Variants in DPP10 observed in about 807,000 individuals in gnomAD.
DPP10 encodes the protein dipeptidyl peptidase like 10.
In DPP10, 33 loss-of-function variants were observed where a neutral mutation model predicts 120.9. The observed-to-expected ratio is 0.27, with a 90% CI of 0.21 to 0.37. The LOEUF (loss-of-function observed/expected upper bound fraction) is 0.37, where lower values mean the gene tolerates loss of function less well. DPP10 is among the 10% of genes least tolerant of loss of function. The pLI, the probability that DPP10 is intolerant of heterozygous loss-of-function variation, is 1.00. For missense variants in DPP10, 816 were observed against 942.8 expected (o/e 0.87, Z 1.76); for synonymous variants, 337 against 326.1 (o/e 1.03, Z -0.36).
intron 1 of DPP10, among the ~76,000 whole-genome samples, chr2:114,697,196 T>C (rs1345296654): frequency 2.0e-5 from 3 of 152,168 alleles, no homozygotes; most frequent in Admixed American, 1.3e-4. Flanking sequence ...GCAGAAAAGT[T>C]ACCAGATATA....
At chr2:115,580,276 A>G (rs2081937683) in intron 5 of DPP10, 1 of 152,212 alleles carries the variant, frequency 6.6e-6, no homozygotes, top group Admixed American at 6.6e-5. Context: ...AGTTGGTTAG[A>G]GTGTAATATA....
chr2:115,800,871 T>C (rs944359726), intron 19 of DPP10, among the ~76,000 whole-genome samples: 7 of 152,054 alleles, frequency 4.6e-5, no homozygotes, highest in African/African-American at 1.4e-4. Context: ...GGTAGCGTGA[T>C]GCCTCCAGCT....
At chr2:115,822,834 T>A (rs762866299) in intron 21 of DPP10, among the ~76,000 whole-genome samples, 9 of 151,986 alleles carry the variant, frequency 5.9e-5, no homozygotes, top group Non-Finnish European at 1.3e-4. Context: ...TCTTGGTGCC[T>A]TTTGGTATTT....
chr2:114,752,016 G>T (rs559811255), intron 1 of DPP10, among the ~76,000 whole-genome samples: 1 of 152,226 alleles, frequency 6.6e-6, no homozygotes, highest in Non-Finnish European at 1.5e-5. Flanking sequence ...CACAGCATGT[G>T]CAGCATGGCC....
At chr2:115,504,339 A>T (rs1401426558) in intron 4 of DPP10, among the ~76,000 whole-genome samples, 1 of 145,606 alleles carries the variant, frequency 6.9e-6, no homozygotes, top group African/African-American at 2.6e-5. Flanking sequence ...ATAAAAACTG[A>T]TGGCTACTGG....
chr2:114,582,827 T>TA (rs34530506), intron 1 of DPP10, among the ~76,000 whole-genome samples: 38,371 of 152,066 alleles, frequency 0.25, 5,066 homozygotes, highest in Non-Finnish European at 0.29. Context: ...TCTAACCAAT[T>TA]AAAAATTTGA....
rs774133541 is a variant in DPP10, at chr2:115,814,935, A to T, written c.1843A>T (p.Ile615Phe). The change falls in exon 20 of 26, where the codon ATT becomes TTT. Residue 615 changes from isoleucine to phenylalanine, a missense_variant. Ile to Phe is a conservative substitution (Grantham distance 21). Transcript: ENST00000410059. ...CCAGGGTCTGAAAATTTTGCAGGAG[A>T]TTCATCGAAGATTAGGTTCAGTAGA... ...GFQGLKILQE[I>F]HRRLGSVEVK... 13 of 1,612,568 alleles carry T rather than the reference A, an allele frequency of 8.1e-6. No homozygotes were observed. Among genetic ancestry groups the T allele is most frequent in the Middle Eastern group, 1.7e-4 (1 of 6,056 alleles).
intron 1 of DPP10, among the ~76,000 whole-genome samples, chr2:115,051,052 A>G (rs1705441981): frequency 6.6e-6 from 1 of 152,214 alleles, no homozygotes; most frequent in South Asian, 2.1e-4. Context: ...CTACATTATA[A>G]TTCTCAAAAT....
chr2:115,299,580 T>C (rs551460942), intron 1 of DPP10, among the ~76,000 whole-genome samples: 68 of 152,202 alleles, frequency 4.5e-4, no homozygotes, highest in African/African-American at 1.6e-3. Context: ...GATTAAAATA[T>C]AACTAATTCT....
chr2:115,725,019 C>T (rs909353398), intron 7 of DPP10, among the ~76,000 whole-genome samples: 4 of 152,284 alleles, frequency 2.6e-5, no homozygotes, highest in Non-Finnish European at 5.9e-5. Context: ...GGCCTCATCT[C>T]CAACACTAGG....
intron 1 of DPP10, among the ~76,000 whole-genome samples, chr2:114,466,725 G>A (rs190399272): frequency 1.3e-5 from 2 of 152,142 alleles, no homozygotes; most frequent in East Asian, 1.9e-4. Flanking sequence ...AATATAGAAC[G>A]TAAGCAATTG....
At chr2:115,672,710 C>CTTTCTTTCTTTCTTTCTT (rs10648959) in intron 5 of DPP10, among the ~76,000 whole-genome samples, 3 of 14,154 alleles carry the variant, frequency 2.1e-4, no homozygotes, top group Admixed American at 1.0e-3. Context: ...TTCTTTCTTT[C>CTTTCTTTCTTTCTTTCTT]TCTTTCTTTC....
chr2:114,920,927 T>C (rs1384472359), intron 1 of DPP10, among the ~76,000 whole-genome samples: 1 of 152,192 alleles, frequency 6.6e-6, no homozygotes, highest in Admixed American at 6.5e-5. Flanking sequence ...ATCAGGGTAA[T>C]TGCAGGAAGA....
intron 3 of DPP10, among the ~76,000 whole-genome samples, chr2:115,490,403 G>C (rs547819462): frequency 1.7e-3 from 238 of 143,008 alleles, no homozygotes; most frequent in Middle Eastern, 7.0e-3. Flanking sequence ...CCATGATTCA[G>C]TTACCTCCTA....
intron 1 of DPP10, among the ~76,000 whole-genome samples, chr2:114,547,013 AT>A (rs1026855989): frequency 4.6e-5 from 7 of 152,182 alleles, no homozygotes; most frequent in African/African-American, 1.7e-4. Flanking sequence ...AAAAGCATGG[AT>A]TTTAGAGTCA....
At chr2:115,700,595 G>A (rs1475229805) in intron 7 of DPP10, among the ~76,000 whole-genome samples, 1 of 151,576 alleles carries the variant, frequency 6.6e-6, no homozygotes, top group African/African-American at 2.4e-5. Flanking sequence ...AAGCAATTAA[G>A]CAAACAAAAA....
At chr2:115,236,087 C>T (rs1488623798) in intron 1 of DPP10, among the ~76,000 whole-genome samples, 1 of 152,170 alleles carries the variant, frequency 6.6e-6, no homozygotes, top group Admixed American at 6.5e-5. Flanking sequence ...TCCAAACACA[C>T]ACCAAGATTC....
At chr2:114,750,427 A>T (rs986881808) in intron 1 of DPP10, among the ~76,000 whole-genome samples, 1 of 151,670 alleles carries the variant, frequency 6.6e-6, no homozygotes, top group Non-Finnish European at 1.5e-5. Context: ...TCTGCCTCCC[A>T]GGTTCACACC....
intron 1 of DPP10, among the ~76,000 whole-genome samples, chr2:114,880,607 A>C (rs558574262): frequency 6.6e-6 from 1 of 152,284 alleles, no homozygotes; most frequent in East Asian, 1.9e-4. Context: ...TTTGGATTTT[A>C]AGTGGTGTGG....
Sources: allele counts gnomAD v4.1 joint callset (sites outside exome capture counted in the v4.1 genomes callset), GRCh38; gene constraint gnomAD v4.1.1; transcripts MANE v1.5; gene names NCBI Gene and HGNC (gene_info 2026-07-23, HGNC 2026-07-21).